Variants in PATJ observed in about 807,000 individuals in gnomAD.
PATJ encodes the protein inaD-like protein.
In PATJ, 190 loss-of-function variants were observed where a neutral mutation model predicts 224.9. The observed-to-expected ratio is 0.84, with a 90% CI of 0.75 to 0.95. PATJ has a LOEUF of 0.95. Ranked by LOEUF, PATJ falls within the 40% of genes least tolerant of loss-of-function variation. The pLI is 0.00. For missense variants in PATJ, 2,121 were observed against 2,270.3 expected (o/e 0.93, Z 1.34); for synonymous variants, 769 against 820.3 (o/e 0.94, Z 1.07).
intron 42 of PATJ, among the ~76,000 whole-genome samples, chr1:62,152,145 CAA>C (rs1668695434): frequency 6.6e-6 from 1 of 152,092 alleles, no homozygotes; most frequent in African/African-American, 2.4e-5. Flanking sequence ...ATGACTAAGA[CAA>C]AGAGGTTATA....
chr1:61,948,919 A>G (rs1679183118), intron 27 of PATJ, among the ~76,000 whole-genome samples: 1 of 152,262 alleles, frequency 6.6e-6, no homozygotes, highest in Non-Finnish European at 1.5e-5. Context: ...TTGTAGGGAC[A>G]TGGATGAAGC....
chr1:62,094,684 A>T (rs1413416159), intron 33 of PATJ, among the ~76,000 whole-genome samples: 3 of 151,984 alleles, frequency 2.0e-5, no homozygotes, highest in African/African-American at 7.3e-5. Flanking sequence ...ACCATTATTT[A>T]TTGCTGTTAT....
chr1:61,935,824 G>A (rs1676776731), intron 27 of PATJ, among the ~76,000 whole-genome samples: 1 of 151,684 alleles, frequency 6.6e-6, no homozygotes, highest in African/African-American at 2.4e-5. Context: ...ACTGCCCGAT[G>A]CAAATAAAAA....
At position 61,790,081 on chromosome 1, in the gene PATJ, G is replaced by T. The variant is rs1649452722; in HGVS notation, c.1069-1267G>T. ...GGACCAGATGCAGTAGCTTACGCCT[G>T]TAGTCCCAGCTACTTGGGAGGCTGA... On this transcript the variant is annotated intron_variant, in intron 8 of 43. Coordinates refer to ENST00000642238, the MANE Select transcript of PATJ (RefSeq NM_001350145.3). 2.0e-5 allele frequency among the ~76,000 whole-genome samples: 3 copies of T among 151,196 alleles called. No individual in the cohort carries two copies. The South Asian group carries it at 6.3e-4, about 32-fold the overall frequency.
chr1:61,814,130 C>T (rs373724152), intron 14 of PATJ, among the ~76,000 whole-genome samples: 12 of 85,908 alleles, frequency 1.4e-4, no homozygotes, highest in Middle Eastern at 0.011. Flanking sequence ...TTATTCTCTT[C>T]TTTTTTTTTT....
At chr1:62,077,955 A>T (rs1435939020) in intron 31 of PATJ, among the ~76,000 whole-genome samples, 1 of 152,236 alleles carries the variant, frequency 6.6e-6, no homozygotes, top group Non-Finnish European at 1.5e-5. Context: ...TATGGATGTA[A>T]AAGTGTTTTG....
chr1:61,884,010 T>C (rs1242993411), intron 21 of PATJ, among the ~76,000 whole-genome samples: 1 of 152,118 alleles, frequency 6.6e-6, no homozygotes, highest in African/African-American at 2.4e-5. Context: ...CACTGAAAAT[T>C]GTAACCGACT....
At chr1:61,778,090 G>A (rs1366931570) in intron 7 of PATJ, among the ~76,000 whole-genome samples, 1 of 152,060 alleles carries the variant, frequency 6.6e-6, no homozygotes, top group African/African-American at 2.4e-5. Context: ...ATGTTGCCCA[G>A]GCTGATTTCA....
chr1:61,959,848 T>G (rs764205102), intron 27 of PATJ, among the ~76,000 whole-genome samples: 32 of 152,024 alleles, frequency 2.1e-4, no homozygotes, highest in Non-Finnish European at 4.3e-4. Flanking sequence ...ATAGCCAGAC[T>G]TCCATCTCTA....
chr1:61,996,797 C>T (rs1645390740), intron 28 of PATJ, among the ~76,000 whole-genome samples: 1 of 130,202 alleles, frequency 7.7e-6, no homozygotes, highest in Non-Finnish European at 1.5e-5. Context: ...GGCTGGAGTA[C>T]AGTGGCACAA....
chr1:61,912,283 A>G (rs1456602980), intron 25 of PATJ, among the ~76,000 whole-genome samples: 1 of 152,096 alleles, frequency 6.6e-6, no homozygotes, highest in African/African-American at 2.4e-5. Flanking sequence ...TGTACAGAAG[A>G]ACATTTCTCT....
chr1:61,875,498 A>G, intron 21 of PATJ, 132 bp downstream of exon 21: 1 of 646,502 alleles, frequency 1.5e-6, no homozygotes, highest in Non-Finnish European at 2.6e-6. Flanking sequence ...CTGCTTAATA[A>G]TTAATCTGCT....
At chr1:61,852,298 A>T (rs967082834) in intron 17 of PATJ, among the ~76,000 whole-genome samples, 2 of 152,084 alleles carry the variant, frequency 1.3e-5, no homozygotes, top group Non-Finnish European at 2.9e-5. Context: ...ATGTTCTATG[A>T]TTGGTCTCTG....
intron 20 of PATJ, among the ~76,000 whole-genome samples, chr1:61,871,268 A>G (rs1666332762): frequency 6.8e-6 from 1 of 147,032 alleles, no homozygotes; most frequent in South Asian, 2.1e-4. Flanking sequence ...CTGAAGTGCA[A>G]TGGTGCAATC....
At chr1:61,748,246 CTTTTTT>C (rs35918825) in intron 1 of PATJ, among the ~76,000 whole-genome samples, 6 of 65,104 alleles carry the variant, frequency 9.2e-5, no homozygotes, top group Admixed American at 2.5e-4. Context: ...GCCTTAATGC[CTTTTTT>C]TTTTTTTTTT....
chr1:62,094,381 A>G (rs189229582), intron 33 of PATJ, among the ~76,000 whole-genome samples: 1 of 152,224 alleles, frequency 6.6e-6, no homozygotes, highest in East Asian at 1.9e-4. Flanking sequence ...GTGACAAAGT[A>G]AGACTCTGTT....
intron 1 of PATJ, among the ~76,000 whole-genome samples, chr1:61,742,756 T>C (rs1187354428): frequency 6.7e-6 from 1 of 150,284 alleles, no homozygotes; most frequent in East Asian, 2.0e-4. Flanking sequence ...GCGGCGAGGA[T>C]GGGGCGCCCG....
chr1:61,827,595 A>C lies in PATJ; in HGVS notation c.1980+12A>C, dbSNP rs1185562312. On this transcript the variant is annotated intron_variant, in intron 16 of 43. Transcript: ENST00000642238. The stretch of plus-strand genomic sequence containing the variant: ...TTCCTGAGACAGAGGTACTAAATGA[A>C]TATAGTGCATTTCCCATAGGCATGC... The C allele has an allele frequency of 6.2e-7, 1 of 1,611,588 alleles. No homozygotes were observed. Among genetic ancestry groups the C allele is most frequent in the Non-Finnish European group, 8.5e-7 (1 of 1,178,448 alleles).
chr1:61,769,108 G>A (rs753709191), intron 4 of PATJ, among the ~76,000 whole-genome samples, 175 bp from the exon 5 acceptor site: 4 of 152,116 alleles, frequency 2.6e-5, no homozygotes, highest in Admixed American at 2.0e-4. Context: ...TCTCTCTTAC[G>A]TTCTACTGAA....
Sources: gnomAD v4.1 joint callset for allele counts (sites outside exome capture counted in the v4.1 genomes callset) on GRCh38, gnomAD v4.1.1 for gene constraint, MANE v1.5 for transcripts, NCBI Gene and HGNC (gene_info 2026-07-23, HGNC 2026-07-21) for gene names.